The following MX1 variants were observed in gnomAD, a reference collection of about 807,000 sequenced individuals.
The protein encoded by MX1 is MX dynamin like GTPase 1.
In MX1, 66 loss-of-function variants were observed where a neutral mutation model predicts 66.4. That is an observed-to-expected ratio of 0.99 (90% CI 0.82 to 1.22). The LOEUF (loss-of-function observed/expected upper bound fraction) is 1.22, where lower values mean the gene tolerates loss of function less well. Among genes scored for constraint, MX1 ranks in the 50% most tolerant of loss-of-function variants. The pLI, the probability that MX1 is intolerant of heterozygous loss-of-function variation, is 0.00. For synonymous variants in MX1, 311 were observed against 318.1 expected, an observed-to-expected ratio of 0.98 and a Z score of 0.24; for missense variants, 787 against 834.3, an observed-to-expected ratio of 0.94 and a Z score of 0.70.
intron 5 of MX1, among the ~76,000 whole-genome samples, chr21:41,433,886 G>A (rs1013789951): frequency 2.0e-5 from 3 of 152,174 alleles, no homozygotes; most frequent in Non-Finnish European, 4.4e-5. Flanking sequence ...TAAGACCGAG[G>A]CTACCAACTG....
rs2090585907 is a variant in MX1 at position 41,443,876 on chromosome 21, G to C, written c.1008+10G>C. ...CATCACACATATCTGTGTAAGCACGGGCAGAGCTGTGGGTTCTCTAAAAAG... is the reference window on the plus strand; with the variant it reads ...CATCACACATATCTGTGTAAGCACGCGCAGAGCTGTGGGTTCTCTAAAAAG... On this transcript the variant is annotated intron_variant, in intron 11 of 16. Transcript: ENST00000398598. The C allele has an allele frequency of 6.2e-7, 1 of 1,613,968 alleles. No individual in the cohort carries two copies. The highest frequency in any genetic ancestry group is 8.5e-7 in the Non-Finnish European group (1 of 1,179,812).
intron 14 of MX1, chr21:41,449,848 A>T (rs1218164697): frequency 6.6e-6 from 1 of 152,204 alleles, no homozygotes; most frequent in East Asian, 1.9e-4. Flanking sequence ...AGGCCTCATC[A>T]TGAAGGCATG....
In MX1 at chr21:41,441,131, G is replaced by A. The variant is rs935840761; in HGVS notation, c.730+106G>A. On this transcript the variant is annotated intron_variant, in intron 9 of 16. Transcript: ENST00000398598. The surrounding 1 kb of genome is among the most constrained non-coding windows in gnomAD (Gnocchi z 4.0). ...GTGCTCGGTGAGAATGGGGGAGCCC[G>A]CCTGTGCTCGGTGAGAATGGGGGAG... 4 of 1,132,750 alleles carry A rather than the reference G, an allele frequency of 3.5e-6. No homozygotes were observed. The highest frequency in any genetic ancestry group is 3.7e-6 in the Non-Finnish European group (3 of 808,408). 70.2% of individuals were successfully genotyped at this position (1,132,750 alleles called of 1,614,324 possible). A position where few individuals can be genotyped will look rare whatever the true frequency, so the allele number is the denominator to read the frequency against.
In MX1 at chr21:41,441,683, C is replaced by T; in HGVS notation, c.731-33C>T. 1 of 1,610,862 alleles carries T rather than the reference C, an allele frequency of 6.2e-7. No homozygotes were observed. Among genetic ancestry groups the T allele is most frequent in the Admixed American group, 1.7e-5 (1 of 60,012 alleles). On this transcript the variant is annotated intron_variant, in intron 9 of 16. Transcript: ENST00000398598. The surrounding 1 kb of genome is among the most constrained non-coding windows in gnomAD (Gnocchi z 4.0). ...CGTTCACCTCTGCCTCGTGACTGAG[C>T]ACGTTCTCTCCCCAAATACATCTGG... is the stretch of plus-strand genomic sequence containing the variant.
At chr21:41,447,738 T>A (rs1306609124) in intron 13 of MX1, among the ~76,000 whole-genome samples, 1 of 152,084 alleles carries the variant, frequency 6.6e-6, no homozygotes, top group Non-Finnish European at 1.5e-5. Flanking sequence ...TACACTTTTT[T>A]TTTTCTTTTT....
chr21:41,422,317 G>T (rs1038498368), upstream of MX1, among the ~76,000 whole-genome samples: 3 of 152,216 alleles, frequency 2.0e-5, no homozygotes, highest in Non-Finnish European at 4.4e-5. Context: ...TACCCTACAT[G>T]TATGTCTAAA....
In MX1 at chr21:41,439,707, C is replaced by A. The variant is rs761231840; in HGVS notation, c.450C>A (p.Ile150=). The A allele has an allele frequency of 6.2e-7, 1 of 1,613,762 alleles. No homozygotes were observed. Among genetic ancestry groups the A allele is most frequent in the South Asian group, 1.1e-5 (1 of 91,056 alleles). Residue 150 remains isoleucine (I), a synonymous_variant, in exon 8 of 17, where the codon ATC becomes ATA. Transcript: ENST00000398598. ...EKEINKAQNA[I]AGEGMGISHE... ...TCTCTTTTCTAGCCCAGAATGCCAT[C>A]GCCGGGGAAGGAATGGGAATCAGTC...
chr21:41,424,980 A>G (rs1188607577), upstream of MX1, among the ~76,000 whole-genome samples: 4 of 152,240 alleles, frequency 2.6e-5, no homozygotes, highest in East Asian at 7.7e-4. Context: ...TCATCCTCCA[A>G]GCTGGACTAG....
intron 13 of MX1, among the ~76,000 whole-genome samples, chr21:41,447,855 C>T (rs1390841342): frequency 6.6e-6 from 1 of 152,124 alleles, no homozygotes; most frequent in Admixed American, 6.6e-5. Context: ...CCTGCTTCAG[C>T]CTCCACCTCC....
chr21:41,445,837 T>C (rs2090646039), intron 12 of MX1, 163 bp from the exon 13 acceptor site: 3 of 939,096 alleles, frequency 3.2e-6, no homozygotes, highest in South Asian at 1.8e-5. Flanking sequence ...AGGGGTGGGA[T>C]AGGATTTTCT....
At chr21:41,444,294 ATTTTCTTTTC>A (rs1254838824) in intron 11 of MX1, among the ~76,000 whole-genome samples, 3 of 114,054 alleles carry the variant, frequency 2.6e-5, no homozygotes, top group Non-Finnish European at 3.9e-5. Context: ...CCTTTTTCAA[ATTTTCTTTTC>A]TTTTCTTTTC....
Position 41,452,729 on chromosome 21 carries a change from G to A in MX1, c.1618G>A (p.Gly540Ser). Reference sequence around the variant, plus strand: ...CTACTGCCAGGACCAGGTATACAGGGGTGCATTGCAGAAGGTCAGAGAGAA... The same window carrying A: ...CTACTGCCAGGACCAGGTATACAGGAGTGCATTGCAGAAGGTCAGAGAGAA... ...IVYCQDQVYR[G>S]ALQKVREKEL... is the part of the protein sequence containing the mutation. The change falls in exon 16 of 17, where the codon GGT (glycine) becomes AGT (serine). Residue 540 changes from glycine (G) to serine (S), a missense_variant. By Grantham distance (56) the Gly-to-Ser change is moderately conservative (BLOSUM62 0). Transcript: ENST00000398598. 2 of 1,614,136 alleles carry A rather than the reference G, an allele frequency of 1.2e-6. No individual in the cohort carries two copies. The highest frequency in any genetic ancestry group is 1.7e-6 in the Non-Finnish European group (2 of 1,180,038).
Position 41,441,473 on chromosome 21 carries a change from CG to C in MX1, c.731-240del. ...AACGTGGCGTGTTCTACAGTGGACC[CG>C]GGTGAAGGAGCTTGGGGAGAGCCAC... On this transcript the variant is annotated intron_variant, in intron 9 of 16. Coordinates refer to ENST00000398598, the MANE Select transcript of MX1 (RefSeq NM_002462.5). The surrounding 1 kb of genome is among the most constrained non-coding windows in gnomAD (Gnocchi z 4.0). 3.5e-6 allele frequency: 2 copies of C among 566,494 alleles called. No homozygotes were observed. 35.1% of individuals were successfully genotyped at this position (566,494 alleles called of 1,614,324 possible). A position where few individuals can be genotyped will look rare whatever the true frequency, so the allele number is the denominator to read the frequency against.
intron 16 of MX1, 131 bp downstream of exon 16, chr21:41,453,000 T>C: frequency 1.9e-6 from 2 of 1,033,032 alleles, no homozygotes; most frequent in Non-Finnish European, 2.8e-6. Flanking sequence ...GTTAGCCTCC[T>C]GTATTAGTCC....
At chr21:41,432,261 G>A in intron 5 of MX1, 86 bp downstream of exon 5, 1 of 1,151,572 alleles carries the variant, frequency 8.7e-7, no homozygotes, top group Non-Finnish European at 1.3e-6. Flanking sequence ...TGCTACTGCT[G>A]CCCAGATATG....
At chr21:41,433,348 C>T (rs969082268) in intron 5 of MX1, among the ~76,000 whole-genome samples, 6 of 152,176 alleles carry the variant, frequency 3.9e-5, no homozygotes, top group African/African-American at 1.4e-4. Flanking sequence ...TTGCACATCC[C>T]CCTGGGAGCC....
intron 12 of MX1, chr21:41,445,797 AC>A: frequency 1.2e-6 from 1 of 827,812 alleles, no homozygotes; most frequent in Non-Finnish European, 1.8e-6. Flanking sequence ...CTACTCTGTC[AC>A]GAGCATCACC....
intron 16 of MX1, among the ~76,000 whole-genome samples, chr21:41,458,179 G>A (rs775164606): frequency 1.1e-4 from 17 of 152,142 alleles, no homozygotes; most frequent in Non-Finnish European, 2.9e-5. Context: ...GTAGAGACGC[G>A]GTTTCACCAC....
upstream of MX1, chr21:41,426,167 T>G (rs2090053764): frequency 6.1e-6 from 1 of 163,798 alleles, no homozygotes; most frequent in African/African-American, 2.4e-5. Flanking sequence ...ACAGGGTCTG[T>G]GAGTTTCATT....
Sources: gnomAD v4.1 joint callset for allele counts (sites outside exome capture counted in the v4.1 genomes callset) on GRCh38, gnomAD v4.1.1 for gene constraint, Gnocchi (gnomAD v3.1) non-coding constraint, MANE v1.5 for transcripts, NCBI Gene and HGNC (gene_info 2026-07-23, HGNC 2026-07-21) for gene names.